The following EXOC4 variants were observed in gnomAD, a reference collection of about 807,000 sequenced individuals.
The protein encoded by EXOC4 is exocyst complex component 4.
EXOC4 carries 71 observed loss-of-function variants against 107.2 expected under a neutral mutation model. That is an observed-to-expected ratio of 0.66 (90% CI 0.55 to 0.81). The LOEUF is 0.81. Among genes scored for constraint, EXOC4 ranks in the 30% least tolerant of loss-of-function variants. The pLI is 0.00. For synonymous variants in EXOC4, 456 were observed against 441.2 expected (o/e 1.03, Z -0.42); for missense variants, 1,108 against 1,189.6 (o/e 0.93, Z 1.01).
chr7:133,352,845 A>G (rs1474524435), intron 5 of EXOC4, among the ~76,000 whole-genome samples: 1 of 152,002 alleles, frequency 6.6e-6, no homozygotes, highest in Non-Finnish European at 1.5e-5. Context: ...TAGGAATTAC[A>G]TTTAACATTC....
At chr7:133,594,493 CTT>C (rs532692119) in intron 9 of EXOC4, among the ~76,000 whole-genome samples, 53 of 90,360 alleles carry the variant, frequency 5.9e-4, no homozygotes, top group South Asian at 5.4e-3. Context: ...AAGCTTGAGT[CTT>C]TTTTTTTTTT....
chr7:133,874,263 G>GCCCAGTGGTGCATT (rs1300301164), intron 11 of EXOC4, among the ~76,000 whole-genome samples: 1 of 152,122 alleles, frequency 6.6e-6, no homozygotes, highest in Non-Finnish European at 1.5e-5. Context: ...TTTGATTTTT[G>GCCCAGTGGTGCATT]CCCAGTGGTG....
intron 5 of EXOC4, among the ~76,000 whole-genome samples, chr7:133,352,264 G>T (rs535443645): frequency 5.9e-5 from 9 of 151,946 alleles, no homozygotes; most frequent in Admixed American, 5.9e-4. Flanking sequence ...CGAGAGTAGG[G>T]TATTGAAGTC....
chr7:133,774,042 G>T (rs1354144226), intron 10 of EXOC4, among the ~76,000 whole-genome samples: 3 of 152,080 alleles, frequency 2.0e-5, no homozygotes, highest in Non-Finnish European at 4.4e-5. Context: ...ATGGTGTGTG[G>T]TACTGGTTAT....
chr7:133,330,343 G>A (rs1795352617), intron 5 of EXOC4, among the ~76,000 whole-genome samples: 1 of 152,006 alleles, frequency 6.6e-6, no homozygotes, highest in Non-Finnish European at 1.5e-5. Context: ...CAAACCACTA[G>A]ATCTTAAGTT....
At chr7:134,026,935 A>G (rs918332822) in intron 17 of EXOC4, among the ~76,000 whole-genome samples, 3 of 152,192 alleles carry the variant, frequency 2.0e-5, no homozygotes, top group African/African-American at 7.2e-5. Flanking sequence ...TAAGAAAATC[A>G]AGAGTTTGGT....
intron 12 of EXOC4, among the ~76,000 whole-genome samples, chr7:133,908,618 A>G (rs898140963): frequency 6.6e-6 from 1 of 152,204 alleles, no homozygotes; most frequent in Admixed American, 6.5e-5. Context: ...TATCAAATGG[A>G]AGTAATAATA....
chr7:133,850,108 C>T (rs1461137698), intron 11 of EXOC4, among the ~76,000 whole-genome samples: 1 of 152,196 alleles, frequency 6.6e-6, no homozygotes, highest in Non-Finnish European at 1.5e-5. Context: ...ACCAACAAAA[C>T]ACTGCCAATT....
chr7:133,733,975 A>G (rs1419599879), intron 10 of EXOC4, among the ~76,000 whole-genome samples: 1 of 152,248 alleles, frequency 6.6e-6, no homozygotes, highest in Non-Finnish European at 1.5e-5. Context: ...TAGAATCAAA[A>G]AAGTGCCTAA....
At chr7:133,408,657 T>TA (rs1229453727) in intron 7 of EXOC4, among the ~76,000 whole-genome samples, 3 of 152,162 alleles carry the variant, frequency 2.0e-5, no homozygotes, top group African/African-American at 7.2e-5. Flanking sequence ...TAATTTCACC[T>TA]ACACCTCTGC....
intron 9 of EXOC4, among the ~76,000 whole-genome samples, chr7:133,617,470 A>C (rs938996618): frequency 3.3e-5 from 5 of 152,222 alleles, no homozygotes; most frequent in Non-Finnish European, 5.9e-5. Context: ...TAGGATTCAC[A>C]TAAGCAAAAT....
chr7:133,835,687 C>T (rs1276611776), intron 11 of EXOC4, among the ~76,000 whole-genome samples: 30 of 152,092 alleles, frequency 2.0e-4, no homozygotes, highest in Admixed American at 2.0e-3. Flanking sequence ...TAATTAGTCC[C>T]TGGGTAAGTA....
chr7:133,335,600 T>C (rs1196367389), intron 5 of EXOC4, among the ~76,000 whole-genome samples: 1 of 152,246 alleles, frequency 6.6e-6, no homozygotes, highest in African/African-American at 2.4e-5. Flanking sequence ...TCCATTCATG[T>C]GTCAATGGAC....
intron 5 of EXOC4, among the ~76,000 whole-genome samples, chr7:133,339,061 A>T (rs1212174822): frequency 2.0e-5 from 3 of 152,020 alleles, no homozygotes; most frequent in Admixed American, 2.0e-4. Context: ...CCATTATATC[A>T]TTCTTATGCT....
intron 9 of EXOC4, chr7:133,484,090 G>C (rs1386291390): frequency 2.5e-6 from 4 of 1,613,134 alleles, no homozygotes; most frequent in Non-Finnish European, 3.4e-6. Context: ...ACATTAAAAA[G>C]CTCAAATTTT....
chr7:134,092,865 G>A, the EXOC4 span, among the ~76,000 whole-genome samples: 2 of 145,228 alleles, frequency 1.4e-5, no homozygotes, highest in Non-Finnish European at 3.0e-5. Context: ...AGACATTGCA[G>A]TGAGCCAAGA....
intron 4 of EXOC4, among the ~76,000 whole-genome samples, chr7:133,312,828 T>C (rs932908705): frequency 1.3e-5 from 2 of 152,100 alleles, no homozygotes; most frequent in African/African-American, 2.4e-5. Flanking sequence ...ATGATGTGAA[T>C]GGATTATTTT....
chr7:133,661,672 TAAAAAAAAAAAAAAAACAA>T (rs936470050), intron 10 of EXOC4, among the ~76,000 whole-genome samples: 17 of 13,450 alleles, frequency 1.3e-3, no homozygotes, highest in Admixed American at 7.8e-3. Flanking sequence ...TCCTTAAAAC[TAAAAAAAAAAAAAAAACAA>T]AAAAAAAAAA....
At chr7:133,905,747 A>G (rs1472277335) in intron 12 of EXOC4, among the ~76,000 whole-genome samples, 1 of 152,058 alleles carries the variant, frequency 6.6e-6, no homozygotes, top group African/African-American at 2.4e-5. Context: ...GTTTGAGTTG[A>G]TTTAAGACAT....
Sources: gnomAD v4.1 joint callset for allele counts (sites outside exome capture counted in the v4.1 genomes callset) on GRCh38, gnomAD v4.1.1 for gene constraint, MANE v1.5 for transcripts, NCBI Gene and HGNC (gene_info 2026-07-23, HGNC 2026-07-21) for gene names.